MNAT1: variants seen among roughly 807,000 people sequenced by gnomAD.
MNAT1 encodes the protein MNAT1 component of CDK activating kinase, also known as CDK-activating kinase assembly factor MAT1.
A neutral mutation model predicts 42.0 loss-of-function variants in MNAT1; 43 were observed. The observed-to-expected ratio is 1.02, with a 90% confidence interval of 0.80 to 1.32. MNAT1 has a LOEUF of 1.32. Among genes scored for constraint, MNAT1 ranks in the 40% most tolerant of loss-of-function variants. The probability of loss-of-function intolerance (pLI) is 0.00; values close to 1 mark genes in which losing one functional copy is unlikely to be tolerated. For synonymous variants in MNAT1, 118 were observed against 120.0 expected (o/e 0.98, Z 0.11); for missense variants, 306 against 350.4 (o/e 0.87, Z 1.01).
At chr14:60,927,813 T>G (rs1413924072) in intron 7 of MNAT1, among the ~76,000 whole-genome samples, 4 of 152,094 alleles carry the variant, frequency 2.6e-5, no homozygotes, top group African/African-American at 9.7e-5. Context: ...GGGTCTGCAT[T>G]TACCCAATGA....
chr14:60,796,219 G>A lies in MNAT1; in HGVS notation c.92G>A (p.Cys31Tyr). The change falls in exon 2 of 8, where the codon TGT (cysteine) becomes TAT (tyrosine). Residue 31 changes from cysteine (C) to tyrosine (Y), a missense_variant and splice_region_variant. Physicochemically the swap from Cys to Tyr is radical, Grantham distance 194. Around this residue, in one of 3 missense-constraint regions of MNAT1, gnomAD observed 72 missense variants for 111.0 expected, o/e 0.65. Coordinates refer to ENST00000261245, the MANE Select transcript of MNAT1 (RefSeq NM_002431.4). The part of the protein sequence containing the change: ...LMVNVCGHTL[C>Y]ESCVDLLFVR... Reference sequence around the variant, plus strand: ...ATGTTTTATTTCTGTCCTTACAGCTGTGAAAGTTGTGTAGATTTACTGTTT... The same window carrying A: ...ATGTTTTATTTCTGTCCTTACAGCTATGAAAGTTGTGTAGATTTACTGTTT... The A allele has an allele frequency of 6.2e-7, 1 of 1,610,696 alleles. No homozygotes were observed. Among genetic ancestry groups the A allele is most frequent in the Non-Finnish European group, 8.5e-7 (1 of 1,178,720 alleles).
At chr14:60,749,461 A>G (rs990800812) in intron 1 of MNAT1, among the ~76,000 whole-genome samples, 2 of 152,200 alleles carry the variant, frequency 1.3e-5, no homozygotes, top group African/African-American at 4.8e-5. Flanking sequence ...TACTGACAGT[A>G]TGATTGCCTG....
intron 7 of MNAT1, among the ~76,000 whole-genome samples, chr14:60,895,825 C>T (rs185616055): frequency 2.0e-5 from 3 of 152,152 alleles, no homozygotes; most frequent in African/African-American, 4.8e-5. Flanking sequence ...CCAATATCTG[C>T]GTTGAAACTA....
intron 7 of MNAT1, among the ~76,000 whole-genome samples, chr14:60,890,105 A>G (rs561148012): frequency 6.6e-6 from 1 of 152,348 alleles, no homozygotes; most frequent in African/African-American, 2.4e-5. Flanking sequence ...TACTGGGTAT[A>G]TACCCAAAGG....
chr14:60,787,007 G>T (rs1232479301), intron 1 of MNAT1, among the ~76,000 whole-genome samples: 1 of 152,056 alleles, frequency 6.6e-6, no homozygotes, highest in African/African-American at 2.4e-5. Flanking sequence ...TCCTTTCCCC[G>T]AAGTAGAATT....
At chr14:60,816,026 G>A (rs2032704499) in intron 5 of MNAT1, among the ~76,000 whole-genome samples, 1 of 152,136 alleles carries the variant, frequency 6.6e-6, no homozygotes, top group East Asian at 1.9e-4. Context: ...ATATGTTCAT[G>A]TGTGAGATTT....
At chr14:60,823,989 T>C (rs2032981106) in intron 6 of MNAT1, among the ~76,000 whole-genome samples, 1 of 152,044 alleles carries the variant, frequency 6.6e-6, no homozygotes, top group East Asian at 1.9e-4. Context: ...AAACCCTATC[T>C]GTACTAAAAA....
At chr14:60,916,136 T>C (rs2035507534) in intron 7 of MNAT1, among the ~76,000 whole-genome samples, 2 of 152,236 alleles carry the variant, frequency 1.3e-5, no homozygotes, top group Admixed American at 1.3e-4. Context: ...ATGTTGGCTC[T>C]ATCACTTCCA....
chr14:60,790,257 C>T (rs1361603672), intron 1 of MNAT1, among the ~76,000 whole-genome samples: 3 of 152,116 alleles, frequency 2.0e-5, no homozygotes, highest in Non-Finnish European at 2.9e-5. Flanking sequence ...CCCAAAATCA[C>T]TAAGCTAAAG....
intron 1 of MNAT1, among the ~76,000 whole-genome samples, chr14:60,768,026 A>G (rs2030903230): frequency 6.6e-6 from 1 of 151,612 alleles, no homozygotes; most frequent in African/African-American, 2.4e-5. Flanking sequence ...GGCCTCCCAA[A>G]GTGCTGGGAT....
At position 60,796,980 on chromosome 14, in the gene MNAT1, A is replaced by G. The variant is rs4151204; in HGVS notation, c.242+611A>G. Among the ~76,000 whole-genome samples the G allele has an allele frequency of 5.1e-3, 783 of 152,108 alleles. 14 individuals carry two copies. Among genetic ancestry groups the G allele is most frequent in the African/African-American group, 0.018 (735 of 41,492 alleles). On this transcript the variant is annotated intron_variant, in intron 2 of 7. Coordinates refer to ENST00000261245, the MANE Select transcript of MNAT1 (RefSeq NM_002431.4). ...ATAGATATACACACATGGGCATAGT[A>G]AATATATGTGTGTATATATGTATAT...
chr14:60,941,849 A>C (rs531224651), intron 7 of MNAT1, among the ~76,000 whole-genome samples: 211 of 151,550 alleles, frequency 1.4e-3, no homozygotes, highest in African/African-American at 4.2e-3. Context: ...CTAAAAATAC[A>C]AAAAATTAGC....
At chr14:60,944,326 G>A (rs2036232186) in intron 7 of MNAT1, among the ~76,000 whole-genome samples, 1 of 152,148 alleles carries the variant, frequency 6.6e-6, no homozygotes, top group East Asian at 1.9e-4. Flanking sequence ...AGGCATTCAG[G>A]CTTATATGAA....
At chr14:60,957,521 G>A (rs76033478) in intron 7 of MNAT1, among the ~76,000 whole-genome samples, 226 of 152,222 alleles carry the variant, frequency 1.5e-3, no homozygotes, top group Middle Eastern at 3.4e-3. Context: ...ATCTGCTCCC[G>A]TGATTCATTT....
At chr14:60,845,246 ACT>A (rs530228136) in intron 6 of MNAT1, among the ~76,000 whole-genome samples, 189 of 151,352 alleles carry the variant, frequency 1.2e-3, no homozygotes, top group African/African-American at 4.5e-3. Context: ...ACCATCTGGG[ACT>A]CTAATTTGTT....
intron 1 of MNAT1, among the ~76,000 whole-genome samples, chr14:60,791,992 C>G (rs1011591366): frequency 1.3e-5 from 2 of 152,006 alleles, no homozygotes; most frequent in African/African-American, 2.4e-5. Context: ...CTTCTTTGGG[C>G]CAGTTTAGTT....
At chr14:60,930,206 T>TTTATTATTATTATTATTA (rs71114168) in intron 7 of MNAT1, among the ~76,000 whole-genome samples, 36 of 138,742 alleles carry the variant, frequency 2.6e-4, no homozygotes, top group East Asian at 8.3e-4. Context: ...TTCTTCCGTC[T>TTTATTATTATTATTATTA]TTATTATTAT....
At chr14:60,930,206 T>TTTATTATTA (rs71114168) in intron 7 of MNAT1, among the ~76,000 whole-genome samples, 25,279 of 138,486 alleles carry the variant, frequency 0.18, 2,460 homozygotes, top group East Asian at 0.26. Flanking sequence ...TTCTTCCGTC[T>TTTATTATTA]TTATTATTAT....
intron 6 of MNAT1, among the ~76,000 whole-genome samples, chr14:60,821,497 T>C (rs2032889010): frequency 6.6e-6 from 1 of 152,216 alleles, no homozygotes; most frequent in Admixed American, 6.5e-5. Context: ...TCACATTTAA[T>C]AGAATGAAGA....
Sources: gnomAD v4.1 joint callset for allele counts (sites outside exome capture counted in the v4.1 genomes callset) on GRCh38, gnomAD v4.1.1 for gene constraint, gnomAD v4.1.1 regional missense constraint, MANE v1.5 for transcripts, NCBI Gene and HGNC (gene_info 2026-07-23, HGNC 2026-07-21) for gene names.